Variants in TRPM1 observed in about 807,000 individuals in gnomAD.
TRPM1 encodes transient receptor potential cation channel subfamily M member 1, also known as TRPM1-203 APA Isoform, Intron 10.
TRPM1 carries 113 observed loss-of-function variants against 149.4 expected under a neutral mutation model. That is an observed-to-expected ratio of 0.76 (90% CI 0.65 to 0.88). The LOEUF is 0.88. Ranked by LOEUF, TRPM1 falls within the 40% of genes least tolerant of loss-of-function variation. The probability of loss-of-function intolerance (pLI) is 0.00; values close to 1 mark genes in which losing one functional copy is unlikely to be tolerated. For synonymous variants in TRPM1, 741 were observed against 759.5 expected, an observed-to-expected ratio of 0.98 and a Z score of 0.40; for missense variants, 1,976 against 2,038.7, an observed-to-expected ratio of 0.97 and a Z score of 0.59.
intron 11 of TRPM1, among the ~76,000 whole-genome samples, chr15:31,059,923 T>TCA (rs375243578): frequency 1.2e-4 from 18 of 151,884 alleles, no homozygotes; most frequent in Admixed American, 1.1e-3. Flanking sequence ...CATCCCCATG[T>TCA]CACACACACA....
intron 27 of TRPM1, among the ~76,000 whole-genome samples, chr15:31,024,387 TCTC>T (rs2140895773): frequency 6.6e-6 from 1 of 152,218 alleles, no homozygotes; most frequent in Non-Finnish European, 1.5e-5. Context: ...AAAACTCCCT[TCTC>T]CTCAAGCCTT....
upstream of TRPM1, among the ~76,000 whole-genome samples, chr15:31,104,403 T>C (rs2035570038): frequency 6.6e-6 from 1 of 152,132 alleles, no homozygotes; most frequent in Non-Finnish European, 1.5e-5. Context: ...CTTTGTTCCC[T>C]GCACTTCCTG....
chr15:31,037,436 C>T (rs1022524548), intron 20 of TRPM1, among the ~76,000 whole-genome samples: 1 of 152,178 alleles, frequency 6.6e-6, no homozygotes, highest in African/African-American at 2.4e-5. Context: ...TTGCTAAAGG[C>T]ATCAGAAGAA....
At chr15:31,019,047 T>C (rs2032466161) in intron 27 of TRPM1, among the ~76,000 whole-genome samples, 1 of 152,246 alleles carries the variant, frequency 6.6e-6, no homozygotes, top group African/African-American at 2.4e-5. Context: ...AACATTTCCT[T>C]AATGATAGAG....
At chr15:31,028,225 T>C in intron 25 of TRPM1, 107 bp downstream of exon 25, 2 of 1,459,854 alleles carry the variant, frequency 1.4e-6, no homozygotes, top group Admixed American at 1.7e-5. Flanking sequence ...AAAACCCTAA[T>C]GAAATTATCT....
At chr15:31,149,430 A>G (rs1030509739) in intron 1 of TRPM1, among the ~76,000 whole-genome samples, 3 of 152,164 alleles carry the variant, frequency 2.0e-5, no homozygotes, top group African/African-American at 7.2e-5. Flanking sequence ...ATAGGAACCA[A>G]AGGCTGGCCC....
intron 3 of TRPM1, among the ~76,000 whole-genome samples, chr15:31,071,529 T>C (rs1294216942): frequency 6.6e-6 from 1 of 152,070 alleles, no homozygotes; most frequent in Non-Finnish European, 1.5e-5. Flanking sequence ...TTCTTTTCCC[T>C]CCTCGCTTCC....
intron 1 of TRPM1, among the ~76,000 whole-genome samples, chr15:31,133,977 C>T (rs1298031769): frequency 1.3e-5 from 2 of 152,170 alleles, no homozygotes; most frequent in Non-Finnish European, 2.9e-5. Flanking sequence ...CTCTTTAAGA[C>T]AGAGGTGACC....
At position 31,002,887 on chromosome 15, in the gene TRPM1, A is replaced by C. The variant is rs745403767; in HGVS notation, c.3813T>G (p.Ala1271=). 6.2e-7 allele frequency: 1 copy of C among 1,614,066 alleles called. No homozygotes were observed. The highest frequency in any genetic ancestry group is 8.5e-7 in the Non-Finnish European group (1 of 1,179,898). The change falls in exon 28 of 28, where the codon GCT becomes GCG. Residue 1271 remains alanine, a synonymous_variant. Coordinates refer to ENST00000256552, the MANE Select transcript of TRPM1 (RefSeq NM_001252024.2). ...GATACGTTGCCTCACATTCAGAAGA[A>C]GCCCGGGACCGTGCCTGGATCAGGT... ...RSDLIQARSR[A]SSECEATYLL...
intron 27 of TRPM1, among the ~76,000 whole-genome samples, chr15:31,013,207 T>G (rs1271778695): frequency 6.6e-6 from 1 of 151,986 alleles, no homozygotes; most frequent in Non-Finnish European, 1.5e-5. Flanking sequence ...GATGGTGTCT[T>G]GCTCTGTTGC....
intron 4 of TRPM1, among the ~76,000 whole-genome samples, chr15:31,068,748 A>G: frequency 7.4e-6 from 1 of 135,668 alleles, no homozygotes; most frequent in East Asian, 2.0e-4. Flanking sequence ...CCAACTCAAA[A>G]AAAAAAAAAA....
chr15:31,001,972 A>G lies in TRPM1; in HGVS notation c.4728T>C (p.His1576=), dbSNP rs761085705. The change falls in exon 28 of 28, where the codon CAT becomes CAC. Residue 1576 remains histidine, a synonymous_variant. Transcript: ENST00000256552. ...GFPSLRSKSL[H]GHPRNVKSIQ... ...TGGATTTCACATTCCTAGGATGTCC[A>G]TGTAAACTTTTTGACCTGAGAGATG... 6.2e-7 allele frequency: 1 copy of G among 1,614,186 alleles called. No homozygotes were observed. Among genetic ancestry groups the G allele is most frequent in the East Asian group, 2.2e-5 (1 of 44,888 alleles).
At chr15:31,055,941 C>T (rs2034071325) in intron 11 of TRPM1, among the ~76,000 whole-genome samples, 1 of 152,112 alleles carries the variant, frequency 6.6e-6, no homozygotes, top group Admixed American at 6.5e-5. Context: ...ATCTAGGGAA[C>T]AGAAGATAAC....
chr15:31,156,129 G>A (rs574531511), intron 1 of TRPM1, among the ~76,000 whole-genome samples: 15 of 146,518 alleles, frequency 1.0e-4, no homozygotes, highest in African/African-American at 2.7e-4. Flanking sequence ...CCTGGGAGGC[G>A]GAGGTTGTAG....
intron 1 of TRPM1, among the ~76,000 whole-genome samples, chr15:31,158,391 G>A (rs561417224): frequency 6.6e-6 from 1 of 152,206 alleles, no homozygotes; most frequent in South Asian, 2.1e-4. Flanking sequence ...ACTTTAGGAG[G>A]CCGGAGCGGG....
intron 1 of TRPM1, among the ~76,000 whole-genome samples, chr15:31,149,795 A>G (rs984667136): frequency 1.3e-5 from 2 of 152,248 alleles, no homozygotes; most frequent in East Asian, 1.9e-4. Context: ...CTGGGATTAC[A>G]GGCGTGAGCC....
At chr15:31,086,727 T>A (rs1029168162) in intron 1 of TRPM1, among the ~76,000 whole-genome samples, 2 of 152,208 alleles carry the variant, frequency 1.3e-5, no homozygotes, top group Non-Finnish European at 2.9e-5. Context: ...CTGTGCCAGG[T>A]TCTTCAAAGC....
At chr15:31,154,773 G>T (rs1443741915) in intron 1 of TRPM1, among the ~76,000 whole-genome samples, 4 of 152,136 alleles carry the variant, frequency 2.6e-5, no homozygotes, top group Admixed American at 2.0e-4. Flanking sequence ...TGCAGAACCT[G>T]CACTTGATGG....
intron 11 of TRPM1, among the ~76,000 whole-genome samples, chr15:31,056,992 G>A (rs1392356576): frequency 6.6e-6 from 1 of 152,162 alleles, no homozygotes; most frequent in Non-Finnish European, 1.5e-5. Flanking sequence ...ATGTACTCCA[G>A]CAAAATGAAA....
Sources: gnomAD v4.1 joint callset for allele counts (sites outside exome capture counted in the v4.1 genomes callset) on GRCh38, gnomAD v4.1.1 for gene constraint, MANE v1.5 for transcripts, NCBI Gene and HGNC (gene_info 2026-07-23, HGNC 2026-07-21) for gene names.